Variants in AHDC1 observed in about 807,000 individuals in gnomAD.
AHDC1 encodes transcription factor Gibbin.
AHDC1 carries 7 observed loss-of-function variants against 87.9 expected under a neutral mutation model. The ratio of observed to expected loss-of-function variants is 0.08; its 90% CI spans 0.05 to 0.15. The LOEUF is 0.15. Ranked by LOEUF, AHDC1 falls within the 10% of genes least tolerant of loss-of-function variation. AHDC1 has a pLI of 1.00. For missense variants in AHDC1, 1,841 were observed against 2,253.2 expected (o/e 0.82, Z 3.70); for synonymous variants, 1,051 against 1,006.8 (o/e 1.04, Z -0.83).
chr1:27,542,021 T>C (rs1012422118), intron 8 of AHDC1, among the ~76,000 whole-genome samples: 4 of 152,356 alleles, frequency 2.6e-5, no homozygotes, highest in Middle Eastern at 3.4e-3. Context: ...CAGCACTGGA[T>C]ACAATGCCTG....
chr1:27,603,149 C>G (rs1355343006), intron 3 of AHDC1, among the ~76,000 whole-genome samples: 1 of 147,294 alleles, frequency 6.8e-6, no homozygotes, highest in African/African-American at 2.5e-5. Context: ...GAGAACCCCC[C>G]CTCCCCGCCC....
chr1:27,558,781 CA>C lies in AHDC1; in HGVS notation c.-527del. The C allele has an allele frequency of 5.0e-6, 2 of 398,690 alleles. No individual in the cohort carries two copies. The highest frequency in any genetic ancestry group is 8.8e-6 in the Non-Finnish European group (2 of 226,092). 24.7% of individuals were successfully genotyped at this position (398,690 alleles called of 1,614,324 possible). On this transcript the variant is annotated 5_prime_UTR_variant, in exon 4 of 9. An upstream open reading frame in the 5' UTR gains an earlier in-frame stop. Coordinates refer to ENST00000673934, the MANE Select transcript of AHDC1 (RefSeq NM_001371928.1). The surrounding 1 kb of genome is among the most constrained non-coding windows in gnomAD (Gnocchi z 5.6). ...ATCAGCATCTCCAGGGTGGTCTCTG[CA>C]ACGGCCTGAGCGTCGCCCCGCACTC...
rs767916808 is a variant in AHDC1 at position 27,548,021 on chromosome 1, G to A, written c.4095C>T (p.Cys1365=). The change falls in exon 8 of 9, where the codon TGC becomes TGT. Residue 1365 remains cysteine, a synonymous_variant. Coordinates refer to ENST00000673934, the MANE Select transcript of AHDC1 (RefSeq NM_001371928.1). ...CGGGAGCACCCAGGCTGGGCGAGTC[G>A]CAGTGGAAGCCTTGGCCAAAGGTGC... The part of the protein sequence containing the change: ...SDGTFGQGFH[C]DSPSLGAPEL... 49 of 1,610,360 alleles carry A rather than the reference G, an allele frequency of 3.0e-5. No homozygotes were observed. The highest frequency in any genetic ancestry group is 7.7e-5 in the South Asian group (7 of 91,024).
rs147609656 is a variant in AHDC1, at chr1:27,560,377, C to A, written c.-628-1494G>T. On this transcript the variant is annotated intron_variant, in intron 3 of 8. Coordinates refer to ENST00000673934, the MANE Select transcript of AHDC1 (RefSeq NM_001371928.1). The surrounding 1 kb of genome is among the most constrained non-coding windows in gnomAD (Gnocchi z 4.1). ...CATCTCGCTGTGTCAGGAGCCAAAC[C>A]GGCTCCTGCCTGTCTCAGAGCTCTC... 1.3e-5 allele frequency among the ~76,000 whole-genome samples: 2 copies of A among 152,036 alleles called. No homozygotes were observed. The highest frequency in any genetic ancestry group is 2.9e-5 in the Non-Finnish European group (2 of 68,006).
In AHDC1 at chr1:27,552,144, G is replaced by GCGGGGC. The variant is rs2148298649; in HGVS notation, c.-35_-30dup. 1.4e-6 allele frequency: 2 copies of GCGGGGC among 1,438,384 alleles called. No individual in the cohort carries two copies. Among genetic ancestry groups the GCGGGGC allele is most frequent in the South Asian group, 1.5e-5 (1 of 67,208 alleles). The allele number at this position is 1,438,384 out of a possible 1,614,324, so 89.1% of individuals were successfully genotyped here. Reference sequence around the variant, plus strand: ...GACCTTGTCCTCCGCAGGCCGCCGGGCGGGGCCGGGGCTGACATGAGGGTG... The same window carrying GCGGGGC: ...GACCTTGTCCTCCGCAGGCCGCCGGGCGGGGCCGGGGCCGGGGCTGACATGAGGGTG... On this transcript the variant is annotated 5_prime_UTR_variant, in exon 8 of 9. Transcript: ENST00000673934.
intron 3 of AHDC1, among the ~76,000 whole-genome samples, chr1:27,600,038 T>C (rs1037555790): frequency 2.6e-5 from 4 of 151,970 alleles, no homozygotes; most frequent in African/African-American, 9.7e-5. Flanking sequence ...GGTATATTCC[T>C]AGGCCTTCTT....
rs1394630800 is a variant in AHDC1, at chr1:27,562,391, C to T, written c.-628-3508G>A. ...AGAGCTGCCCCGATTAATCCTGTGG[C>T]TCCAGAGCCTTAATTAGTTTAACAG... On this transcript the variant is annotated intron_variant, in intron 3 of 8. Transcript: ENST00000673934. The surrounding 1 kb of genome is among the most constrained non-coding windows in gnomAD (Gnocchi z 4.4). Among the ~76,000 whole-genome samples the T allele has an allele frequency of 6.6e-6, 1 of 152,120 alleles. No individual in the cohort carries two copies. Among genetic ancestry groups the T allele is most frequent in the Non-Finnish European group, 1.5e-5 (1 of 68,020 alleles).
intron 3 of AHDC1, among the ~76,000 whole-genome samples, chr1:27,567,382 C>T (rs1355773710): frequency 1.3e-5 from 2 of 151,844 alleles, no homozygotes; most frequent in Non-Finnish European, 2.9e-5. Context: ...AAGCGGCCGT[C>T]GGGGGGCCGG....
intron 3 of AHDC1, among the ~76,000 whole-genome samples, chr1:27,564,290 G>T (rs1167215827): frequency 6.6e-6 from 1 of 152,182 alleles, no homozygotes; most frequent in African/African-American, 2.4e-5. Context: ...TTCGGGGAGG[G>T]GGGAAGGGGC....
chr1:27,588,726 T>C (rs1446751386), intron 3 of AHDC1, among the ~76,000 whole-genome samples: 1 of 152,144 alleles, frequency 6.6e-6, no homozygotes, highest in Non-Finnish European at 1.5e-5. Flanking sequence ...CATTTGTGAA[T>C]TGGCCTGTGT....
chr1:27,547,215 C>G lies in AHDC1; in HGVS notation c.*43+46G>C, dbSNP rs2019207072. ...CTTGCCTAAGCTCTGATGTCCTCTT[C>G]CCACCCCCAGGCCTCTGCCCACTGC... On this transcript the variant is annotated intron_variant, in intron 8 of 8. Transcript: ENST00000673934. This position sits in a 1 kb window ranked among gnomAD's most constrained non-coding sequence, Gnocchi z 4.9. The G allele has an allele frequency of 7.5e-7, 1 of 1,339,458 alleles. No individual in the cohort carries two copies. Among genetic ancestry groups the G allele is most frequent in the South Asian group, 1.4e-5 (1 of 69,710 alleles). The allele number at this position is 1,339,458 out of a possible 1,614,324, so 83.0% of individuals were successfully genotyped here. A position where few individuals can be genotyped will look rare whatever the true frequency, so the allele number is the denominator to read the frequency against.
chr1:27,555,015 T>A (rs2019756212), intron 5 of AHDC1, among the ~76,000 whole-genome samples: 2 of 152,220 alleles, frequency 1.3e-5, no homozygotes, highest in African/African-American at 4.8e-5. Flanking sequence ...TAATTCTGCC[T>A]TAAGTCCAAA....
At chr1:27,579,362 G>A (rs368965805) in intron 3 of AHDC1, among the ~76,000 whole-genome samples, 36 of 152,090 alleles carry the variant, frequency 2.4e-4, no homozygotes, top group African/African-American at 8.0e-4. Flanking sequence ...ACAGCCTTAT[G>A]TGTTAGTCTA....
rs761331301 is a variant in AHDC1 at position 27,560,852 on chromosome 1, TGA to T, written c.-628-1971_-628-1970del. 2.1e-4 allele frequency among the ~76,000 whole-genome samples: 32 copies of T among 151,978 alleles called. No homozygotes were observed. Among genetic ancestry groups the T allele is most frequent in the Admixed American group, 1.6e-3 (24 of 15,264 alleles). ...GTACCTTTGTGAAGGGCTCAGTGTGTGAGTGCGTGTGTGCATGCATGTGAGAT... is the reference window on the plus strand; with the variant it reads ...GTACCTTTGTGAAGGGCTCAGTGTGTGTGCGTGTGTGCATGCATGTGAGAT... On this transcript the variant is annotated intron_variant, in intron 3 of 8. Coordinates refer to ENST00000673934, the MANE Select transcript of AHDC1 (RefSeq NM_001371928.1). This position sits in a 1 kb window ranked among gnomAD's most constrained non-coding sequence, Gnocchi z 4.1.
chr1:27,602,915 C>T (rs2089572692), intron 3 of AHDC1, among the ~76,000 whole-genome samples: 1 of 151,456 alleles, frequency 6.6e-6, no homozygotes, highest in African/African-American at 2.4e-5. Context: ...CCTCCCTCCG[C>T]AGTCTCCCCT....
chr1:27,551,958 G>A lies in AHDC1; in HGVS notation c.158C>T (p.Ser53Phe). 1.3e-6 allele frequency: 2 copies of A among 1,523,512 alleles called. No individual in the cohort carries two copies. The highest frequency in any genetic ancestry group is 1.8e-6 in the Non-Finnish European group (2 of 1,132,844). 94.4% of individuals were successfully genotyped at this position (1,523,512 alleles called of 1,614,324 possible). ...TGGGTTCTCGGAGAAGGCGTGGGTG[G>A]AGAAGGCCTTGTCAGGTGGGCTGGC... ...PPASPPDKAFSTHAFSENPRP... is the reference protein window; with the variant it reads ...PPASPPDKAFFTHAFSENPRP... Residue 53 changes from serine (S) to phenylalanine (F), a missense_variant, in exon 8 of 9, where the codon TCC (serine) becomes TTC (phenylalanine). By Grantham distance (155) the Ser-to-Phe change is radical. Coordinates refer to ENST00000673934, the MANE Select transcript of AHDC1 (RefSeq NM_001371928.1).
intron 8 of AHDC1, among the ~76,000 whole-genome samples, chr1:27,537,856 C>T: frequency 6.6e-6 from 1 of 152,120 alleles, no homozygotes; most frequent in East Asian, 1.9e-4. Flanking sequence ...CTGGCACTGG[C>T]AGCAGTGAGG....
chr1:27,587,569 G>A (rs1459639405), intron 3 of AHDC1, among the ~76,000 whole-genome samples: 5 of 152,124 alleles, frequency 3.3e-5, no homozygotes. Context: ...TAAGCTTCTG[G>A]GGTGGAGGTG....
At position 27,549,116 on chromosome 1, in the gene AHDC1, G is replaced by A. The variant is rs776053707; in HGVS notation, c.3000C>T (p.Phe1000=). 13 of 1,552,484 alleles carry A rather than the reference G, an allele frequency of 8.4e-6. No individual in the cohort carries two copies. Among genetic ancestry groups the A allele is most frequent in the East Asian group, 2.3e-5 (1 of 44,250 alleles). The change falls in exon 8 of 9, where the codon TTC becomes TTT. Residue 1000 remains phenylalanine, a synonymous_variant. Coordinates refer to ENST00000673934, the MANE Select transcript of AHDC1 (RefSeq NM_001371928.1). ...GGAGGCTGTTGCCACTGCCATAGGCGAAGCTGCAGTCCTTGCTGTTAGCGC... is the reference window on the plus strand; with the variant it reads ...GGAGGCTGTTGCCACTGCCATAGGCAAAGCTGCAGTCCTTGCTGTTAGCGC... ...QDCANSKDCS[F]AYGSGNSLPA...
Sources: gnomAD v4.1 joint callset for allele counts (sites outside exome capture counted in the v4.1 genomes callset) on GRCh38, gnomAD v4.1.1 for gene constraint, Gnocchi (gnomAD v3.1) non-coding constraint, MANE v1.5 for transcripts, NCBI Gene and HGNC (gene_info 2026-07-23, HGNC 2026-07-21) for gene names.